FAT3: variants seen among roughly 807,000 people sequenced by gnomAD.
FAT3 encodes FAT atypical cadherin 3, also known as protocadherin Fat 3.
Under a neutral mutation model 310.2 loss-of-function variants are expected in FAT3, and 95 were observed. The observed-to-expected ratio is 0.31, with a 90% confidence interval of 0.26 to 0.36. FAT3 has a LOEUF of 0.36. FAT3 is among the 10% of genes least tolerant of loss of function. The probability of loss-of-function intolerance (pLI) is 1.00; values close to 1 mark genes in which losing one functional copy is unlikely to be tolerated. For synonymous variants in FAT3, 2,314 were observed against 2,192.9 expected (o/e 1.06, Z -1.54); for missense variants, 5,408 against 5,715.6 (o/e 0.95, Z 1.74).
intron 4 of FAT3, among the ~76,000 whole-genome samples, chr11:92,761,297 T>A (rs901390321): frequency 6.6e-6 from 1 of 152,220 alleles, no homozygotes; most frequent in Non-Finnish European, 1.5e-5. Context: ...CTTCACAGCC[T>A]CTTTCGAAGG....
At chr11:92,729,364 T>C (rs1170359079) in intron 4 of FAT3, among the ~76,000 whole-genome samples, 1 of 151,938 alleles carries the variant, frequency 6.6e-6, no homozygotes, top group Non-Finnish European at 1.5e-5. Context: ...GGGAGACACA[T>C]CTCTCACGTG....
chr11:92,528,158 G>GT (rs1565385953), intron 3 of FAT3, among the ~76,000 whole-genome samples: 1 of 152,098 alleles, frequency 6.6e-6, no homozygotes, highest in Non-Finnish European at 1.5e-5. Flanking sequence ...AAATAACTGG[G>GT]TTTTTTTCTA....
At chr11:92,694,472 A>T (rs1943882236) in intron 3 of FAT3, among the ~76,000 whole-genome samples, 1 of 152,202 alleles carries the variant, frequency 6.6e-6, no homozygotes, top group Admixed American at 6.5e-5. Flanking sequence ...TCAATATGTG[A>T]GAAACACATC....
intron 1 of FAT3, among the ~76,000 whole-genome samples, chr11:92,331,013 A>T (rs112103841): frequency 0.059 from 7,359 of 125,540 alleles, 570 homozygotes; most frequent in African/African-American, 0.25. Flanking sequence ...TGAGAGAGAG[A>T]GAGAGAGAAA....
chr11:92,863,709 G>T (rs1949172714), intron 21 of FAT3, among the ~76,000 whole-genome samples: 1 of 152,148 alleles, frequency 6.6e-6, no homozygotes, highest in South Asian at 2.1e-4. Context: ...TTCTCTTAAA[G>T]AAGATACTTA....
At chr11:92,306,647 T>C (rs1262830440) in intron 1 of FAT3, among the ~76,000 whole-genome samples, 1 of 123,866 alleles carries the variant, frequency 8.1e-6, no homozygotes, top group East Asian at 2.1e-4. Context: ...ATATATATTA[T>C]ATATATTATA....
chr11:92,564,565 C>G (rs1292150710), intron 3 of FAT3, among the ~76,000 whole-genome samples: 1 of 152,016 alleles, frequency 6.6e-6, no homozygotes, highest in Admixed American at 6.6e-5. Flanking sequence ...ACTCTCCACC[C>G]CAAATCAACA....
chr11:92,415,816 A>G (rs1950395830), intron 2 of FAT3, among the ~76,000 whole-genome samples: 2 of 150,112 alleles, frequency 1.3e-5, no homozygotes, highest in East Asian at 1.9e-4. Context: ...TTGTATTAGA[A>G]AAAGTACCAA....
intron 1 of FAT3, among the ~76,000 whole-genome samples, chr11:92,310,737 C>G (rs1192037416): frequency 6.6e-6 from 1 of 151,682 alleles, no homozygotes; most frequent in Admixed American, 6.6e-5. Flanking sequence ...TAACACATGA[C>G]CTGAAAATAA....
rs147386296 is a variant in FAT3 at position 92,688,290 on chromosome 11, G to A, written c.3608-9094G>A. On this transcript the variant is annotated intron_variant, in intron 3 of 27. Coordinates refer to ENST00000525166, the MANE Select transcript of FAT3 (RefSeq NM_001367949.2). ...TTGCTGGAAGGATTCGGATCAGAAC[G>A]TTGTGGAATTCAGATGATGACATAC... Among the ~76,000 whole-genome samples, 795 of 152,232 alleles carry A rather than the reference G, an allele frequency of 5.2e-3. 6 individuals are homozygous for A. The highest frequency in any genetic ancestry group is 0.016 in the African/African-American group (654 of 41,538).
At chr11:92,665,167 C>A (rs920209621) in intron 3 of FAT3, among the ~76,000 whole-genome samples, 2 of 152,118 alleles carry the variant, frequency 1.3e-5, no homozygotes, top group Admixed American at 6.5e-5. Flanking sequence ...CTGTTTGCCT[C>A]AAAAATAAAG....
chr11:92,840,754 G>A lies in FAT3; in HGVS notation c.10561G>A (p.Val3521Ile). The change falls in exon 18 of 28, where the codon GTC (valine) becomes ATC (isoleucine). Residue 3521 changes from valine (V) to isoleucine (I), a missense_variant. Physicochemically the swap from Val to Ile is conservative, Grantham distance 29. Coordinates refer to ENST00000525166, the MANE Select transcript of FAT3 (RefSeq NM_001367949.2). ...AGAGTCTCTGGAATACGTGTTGTGTGTCCAGGTATGGCATCGCACTCTGTC... is the reference window on the plus strand; with the variant it reads ...AGAGTCTCTGGAATACGTGTTGTGTATCCAGGTATGGCATCGCACTCTGTC... ...HTESLEYVLC[V>I]QAKDSGKPQQ... The A allele has an allele frequency of 1.3e-6, 2 of 1,575,582 alleles. No homozygotes were observed. Among genetic ancestry groups the A allele is most frequent in the South Asian group, 1.1e-5 (1 of 87,788 alleles).
At position 92,355,121 on chromosome 11, in the gene FAT3, G is replaced by A; in HGVS notation, c.3009G>A (p.Gln1003=). ...GCAAAGAGCTTGATTATGAGAAACA[G>A]CAGTTCTATAACCTTACTGTGCGGG... ...RLSKELDYEK[Q]QFYNLTVRAK... The change falls in exon 2 of 28, where the codon CAG becomes CAA. Residue 1003 remains glutamine (Q), a synonymous_variant. Transcript: ENST00000525166. 1.2e-6 allele frequency: 2 copies of A among 1,613,820 alleles called. No homozygotes were observed. The highest frequency in any genetic ancestry group is 1.7e-4 in the Middle Eastern group (1 of 6,060).
intron 1 of FAT3, among the ~76,000 whole-genome samples, chr11:92,327,512 G>C (rs1250234926): frequency 1.3e-5 from 2 of 152,164 alleles, no homozygotes; most frequent in Non-Finnish European, 2.9e-5. Flanking sequence ...TTCTTTTCTT[G>C]TAAAAAGAAG....
At chr11:92,321,326 C>G (rs1947611522) in intron 1 of FAT3, among the ~76,000 whole-genome samples, 2 of 151,434 alleles carry the variant, frequency 1.3e-5, no homozygotes, top group Admixed American at 6.6e-5. Context: ...AGTCCCAGCT[C>G]CTTGGGAGGC....
chr11:92,455,157 T>G (rs906015387), intron 2 of FAT3, among the ~76,000 whole-genome samples: 8 of 152,230 alleles, frequency 5.3e-5, no homozygotes, highest in Non-Finnish European at 7.3e-5. Context: ...CTGAATATTT[T>G]TGACACTAGA....
intron 2 of FAT3, among the ~76,000 whole-genome samples, chr11:92,417,588 G>T (rs1463084382): frequency 6.6e-6 from 1 of 152,134 alleles, no homozygotes; most frequent in Non-Finnish European, 1.5e-5. Flanking sequence ...CTTCAGAGGG[G>T]AAGTGATATC....
chr11:92,840,412 A>G (rs1191948998), intron 17 of FAT3, 150 bp from the exon 18 acceptor site: 2 of 658,514 alleles, frequency 3.0e-6, no homozygotes, highest in South Asian at 4.8e-5. Flanking sequence ...GTAATGTCAC[A>G]GGGAATCCCT....
chr11:92,471,709 G>A (rs1951908123), intron 2 of FAT3, among the ~76,000 whole-genome samples: 1 of 151,884 alleles, frequency 6.6e-6, no homozygotes, highest in Admixed American at 6.6e-5. Flanking sequence ...ATGCAGGAAA[G>A]TTTATTCTAG....
Sources: gnomAD v4.1 joint callset for allele counts (sites outside exome capture counted in the v4.1 genomes callset) on GRCh38, gnomAD v4.1.1 for gene constraint, MANE v1.5 for transcripts, NCBI Gene and HGNC (gene_info 2026-07-23, HGNC 2026-07-21) for gene names.